CDON: variants seen among roughly 807,000 people sequenced by gnomAD.
CDON encodes the protein cell adhesion molecule-related/down-regulated by oncogenes.
A neutral mutation model predicts 120.9 loss-of-function variants in CDON; 73 were observed. That is an observed-to-expected ratio of 0.60 (90% CI 0.50 to 0.73). The LOEUF (loss-of-function observed/expected upper bound fraction) is 0.73. Ranked by LOEUF, CDON falls within the 30% of genes least tolerant of loss-of-function variation. The probability of loss-of-function intolerance (pLI) is 0.00; values close to 1 mark genes in which losing one functional copy is unlikely to be tolerated. For synonymous variants in CDON, 566 were observed against 573.5 expected (o/e 0.99, Z 0.19); for missense variants, 1,470 against 1,587.3 (o/e 0.93, Z 1.26).
At position 125,971,158 on chromosome 11, in the gene CDON, C is replaced by T. The variant is rs10893454; in HGVS notation, c.3356+7146G>A. 4.8e-4 allele frequency among the ~76,000 whole-genome samples: 73 copies of T among 151,948 alleles called. 1 individual carries two copies. The highest frequency in any genetic ancestry group is 2.7e-3 in the East Asian group (14 of 5,152). ...CAGTACTTTGGGGGGCCAAGGCGGG[C>T]GGATCACGAGGTCAGGAGACCAAGA... On this transcript the variant is annotated intron_variant, in intron 18 of 19. Transcript: ENST00000531738.
chr11:125,973,719 G>A (rs1352986740), intron 18 of CDON, among the ~76,000 whole-genome samples: 3 of 151,954 alleles, frequency 2.0e-5, no homozygotes, highest in African/African-American at 7.3e-5. Context: ...GTGTATAAAT[G>A]GTCCCCTTTG....
intron 18 of CDON, among the ~76,000 whole-genome samples, chr11:125,966,225 G>A (rs939211070): frequency 6.6e-6 from 1 of 151,978 alleles, no homozygotes; most frequent in African/African-American, 2.4e-5. Context: ...TAGTGAGTGA[G>A]CAAAGACTTT....
At chr11:125,987,404 A>T (rs1051058102) in intron 15 of CDON, among the ~76,000 whole-genome samples, 1 of 152,250 alleles carries the variant, frequency 6.6e-6, no homozygotes, top group Non-Finnish European at 1.5e-5. Flanking sequence ...ATTACTCAAG[A>T]TAAAACCGTC....
chr11:126,060,433 T>A (rs949789837), intron 1 of CDON, among the ~76,000 whole-genome samples: 3 of 152,198 alleles, frequency 2.0e-5, no homozygotes, highest in African/African-American at 7.2e-5. Context: ...AACACATTTT[T>A]CAACTCATTA....
chr11:125,995,769 A>C (rs561718804), intron 12 of CDON, among the ~76,000 whole-genome samples: 58 of 152,344 alleles, frequency 3.8e-4, no homozygotes, highest in African/African-American at 1.3e-3. Context: ...CTTAGCTTCA[A>C]CCACATTTAA....
intron 1 of CDON, among the ~76,000 whole-genome samples, chr11:126,059,171 G>T (rs1948740364): frequency 6.6e-6 from 1 of 152,178 alleles, no homozygotes; most frequent in Admixed American, 6.5e-5. Context: ...GCCTTTACAG[G>T]CAAGACCAAA....
chr11:126,045,322 G>C (rs900408325), intron 1 of CDON, among the ~76,000 whole-genome samples: 1 of 151,964 alleles, frequency 6.6e-6, no homozygotes, highest in Non-Finnish European at 1.5e-5. Context: ...CAGCACGCCC[G>C]GCCAATAATT....
chr11:126,048,461 C>T (rs1325191252), intron 1 of CDON, among the ~76,000 whole-genome samples: 1 of 152,096 alleles, frequency 6.6e-6, no homozygotes, highest in Non-Finnish European at 1.5e-5. Context: ...ACGTTCAACA[C>T]CCCAGATATG....
At chr11:126,041,055 G>A (rs534760547) in intron 1 of CDON, among the ~76,000 whole-genome samples, 1 of 151,458 alleles carries the variant, frequency 6.6e-6, no homozygotes, top group South Asian at 2.1e-4. Flanking sequence ...CAGGCGTGGT[G>A]GTGCACGCCT....
chr11:126,048,626 T>A (rs551444748), intron 1 of CDON, among the ~76,000 whole-genome samples: 1 of 152,296 alleles, frequency 6.6e-6, no homozygotes, highest in Non-Finnish European at 1.5e-5. Flanking sequence ...ATAAAGAATA[T>A]ATAGCATCAA....
At chr11:126,019,022 T>C (rs1009598080) in intron 4 of CDON, among the ~76,000 whole-genome samples, 1 of 152,230 alleles carries the variant, frequency 6.6e-6, no homozygotes, top group Non-Finnish European at 1.5e-5. Flanking sequence ...CGGTAGTGAA[T>C]CTCAAAGCAC....
chr11:125,967,052 A>G (rs1281175892), intron 18 of CDON, among the ~76,000 whole-genome samples: 1 of 152,090 alleles, frequency 6.6e-6, no homozygotes, highest in African/African-American at 2.4e-5. Flanking sequence ...TACAGAAAGG[A>G]ATGAGTAGCA....
rs754770034 is a variant in CDON, at chr11:126,010,345, C to T, written c.1548G>A (p.Met516Ile). ...TAAATAATAATGGCAACTCACCAACCATGAGAGATGCTTCTGCCTGTGTGG... is the reference window on the plus strand; with the variant it reads ...TAAATAATAATGGCAACTCACCAACTATGAGAGATGCTTCTGCCTGTGTGG... ...HGTTQAEASL[M>I]VVPFETNTKA... The change falls in exon 8 of 20, where the codon ATG (methionine) becomes ATA (isoleucine). Residue 516 changes from methionine to isoleucine, a missense_variant. By Grantham distance (10) the Met-to-Ile change is conservative (BLOSUM62 1). Transcript: ENST00000531738. 17 of 1,600,808 alleles carry T rather than the reference C, an allele frequency of 1.1e-5. No homozygotes were observed. The Admixed American group carries it at 2.9e-4, about 27-fold the overall frequency.
chr11:125,983,759 T>A, intron 16 of CDON, 113 bp downstream of exon 16: 1 of 799,220 alleles, frequency 1.3e-6, no homozygotes, highest in South Asian at 1.5e-5. Context: ...GTATCTAATG[T>A]GTTTCATACC....
chr11:126,045,317 C>T lies in CDON; in HGVS notation c.-62+17262G>A, dbSNP rs1006210060. Among the ~76,000 whole-genome samples, 12 of 152,036 alleles carry T rather than the reference C, an allele frequency of 7.9e-5. No homozygotes were observed. The South Asian group carries it at 1.9e-3, about 24-fold the overall frequency. On this transcript the variant is annotated intron_variant, in intron 1 of 19. Transcript: ENST00000531738. ...CTGGGATTACAGGCGTGAGCCAGCA[C>T]GCCCGGCCAATAATTTAAAATGTTT...
intron 5 of CDON, among the ~76,000 whole-genome samples, 168 bp from the exon 6 acceptor site, chr11:126,017,543 T>G (rs186643918): frequency 1.3e-5 from 2 of 152,280 alleles, no homozygotes; most frequent in Admixed American, 1.3e-4. Flanking sequence ...TGTGGTCCTT[T>G]AGGGCTACTT....
In CDON at chr11:126,038,347, T is replaced by C. The variant is rs1022930016; in HGVS notation, c.-61-14810A>G. On this transcript the variant is annotated intron_variant, in intron 1 of 19. Transcript: ENST00000531738. ...TAGGTCTTCTCATGAAGACTCAGTA[T>C]TTATCTTAAAAAAAGAATCTCAGGC... is the stretch of plus-strand genomic sequence containing the variant. Among the ~76,000 whole-genome samples, 4 of 152,102 alleles carry C rather than the reference T, an allele frequency of 2.6e-5. No homozygotes were observed. The East Asian group carries it at 7.7e-4, about 29-fold the overall frequency.
chr11:125,983,052 G>A (rs529026488), intron 16 of CDON, among the ~76,000 whole-genome samples: 1 of 152,178 alleles, frequency 6.6e-6, no homozygotes, highest in Non-Finnish European at 1.5e-5. Context: ...ACTAAAAGGG[G>A]AGCATGCGTG....
chr11:126,021,482 C>T lies in CDON; in HGVS notation c.115G>A (p.Val39Ile), dbSNP rs373425085. The change falls in exon 3 of 20, where the codon GTC becomes ATC. Residue 39 changes from valine to isoleucine, a missense_variant. By Grantham distance (29) the Val-to-Ile change is conservative (BLOSUM62 3). Transcript: ENST00000531738. ...ACTACAGGTCCACCAAGTTTCTGGA[C>T]AGCAGAGAGCGGCTCAGAAGTAAAA... The part of the protein sequence containing the change: ...PYFTSEPLSA[V>I]QKLGGPVVLH... 3 of 1,613,926 alleles carry T rather than the reference C, an allele frequency of 1.9e-6. 1 individual carries two copies. The African/African-American group carries it at 4.0e-5, about 22-fold the overall frequency.
Sources: gnomAD v4.1 joint callset for allele counts (sites outside exome capture counted in the v4.1 genomes callset) on GRCh38, gnomAD v4.1.1 for gene constraint, MANE v1.5 for transcripts, NCBI Gene and HGNC (gene_info 2026-07-23, HGNC 2026-07-21) for gene names.